SLC25A48: variants seen among roughly 807,000 people sequenced by gnomAD.
SLC25A48 encodes CTC-321K16.1.
A neutral mutation model predicts 32.2 loss-of-function variants in SLC25A48; 29 were observed. The ratio of observed to expected loss-of-function variants is 0.90; its 90% CI spans 0.67 to 1.23. The LOEUF is 1.23. Among genes scored for constraint, SLC25A48 ranks in the 50% most tolerant of loss-of-function variants. The pLI is 0.00. For missense variants in SLC25A48, 399 were observed against 422.7 expected (o/e 0.94, Z 0.49); for synonymous variants, 164 against 172.3 (o/e 0.95, Z 0.38).
chr5:135,727,230 A>G (rs1279375005), intron 3 of SLC25A48, among the ~76,000 whole-genome samples: 1 of 150,860 alleles, frequency 6.6e-6, no homozygotes, highest in Non-Finnish European at 1.5e-5. Flanking sequence ...AATAATATAG[A>G]TATATATGTA....
intron 3 of SLC25A48, among the ~76,000 whole-genome samples, chr5:135,670,082 C>T (rs552877728): frequency 2.0e-5 from 3 of 152,246 alleles, no homozygotes; most frequent in South Asian, 2.1e-4. Flanking sequence ...CTTAGTAAAT[C>T]GTTGTAGAAG....
upstream of SLC25A48, among the ~76,000 whole-genome samples, chr5:135,833,531 C>T (rs560232565): frequency 4.8e-4 from 73 of 152,366 alleles, 1 homozygote; most frequent in South Asian, 0.015. Flanking sequence ...GGGGTTGATG[C>T]TGATGGCAAC....
intron 3 of SLC25A48, among the ~76,000 whole-genome samples, chr5:135,748,377 G>A (rs1240473169): frequency 1.3e-5 from 2 of 152,066 alleles, no homozygotes; most frequent in Admixed American, 6.6e-5. Flanking sequence ...GGGTGCAAGC[G>A]ATTCTCCTGC....
intron 3 of SLC25A48, among the ~76,000 whole-genome samples, chr5:135,709,965 A>G (rs1326943511): frequency 6.6e-6 from 1 of 152,212 alleles, no homozygotes; most frequent in Non-Finnish European, 1.5e-5. Flanking sequence ...ACATTTACCA[A>G]TTCCTGTGGG....
At chr5:135,871,279 G>A (rs1761622015) in intron 4 of SLC25A48, among the ~76,000 whole-genome samples, 182 bp from the exon 5 acceptor site, 1 of 152,194 alleles carries the variant, frequency 6.6e-6, no homozygotes, top group Admixed American at 6.5e-5. Flanking sequence ...GTGTATATTG[G>A]CAGGGGCTCT....
At chr5:135,669,512 C>A (rs1753604779) in intron 3 of SLC25A48, among the ~76,000 whole-genome samples, 1 of 152,208 alleles carries the variant, frequency 6.6e-6, no homozygotes, top group South Asian at 2.1e-4. Flanking sequence ...CGGGATGTCA[C>A]TTCCACTGGG....
intron 3 of SLC25A48, among the ~76,000 whole-genome samples, chr5:135,723,803 T>A (rs1436517770): frequency 6.6e-6 from 1 of 152,244 alleles, no homozygotes; most frequent in Non-Finnish European, 1.5e-5. Flanking sequence ...AAGTGGGGCT[T>A]CTGGAATTTA....
chr5:135,597,227 A>G (rs182182104), intron 1 of SLC25A48, among the ~76,000 whole-genome samples: 8 of 152,352 alleles, frequency 5.3e-5, no homozygotes, highest in Non-Finnish European at 1.0e-4. Flanking sequence ...ACTGGATTCA[A>G]TGCAGGAAAT....
At chr5:135,777,570 G>A (rs1756597975) in intron 3 of SLC25A48, among the ~76,000 whole-genome samples, 4 of 151,590 alleles carry the variant, frequency 2.6e-5, no homozygotes. Flanking sequence ...GAAAAAAGGA[G>A]GATAATATTA....
chr5:135,581,030 T>C (rs1751221709), intron 1 of SLC25A48, among the ~76,000 whole-genome samples: 1 of 152,186 alleles, frequency 6.6e-6, no homozygotes, highest in African/African-American at 2.4e-5. Flanking sequence ...CTGTGTGACT[T>C]TGGGCAAATA....
intron 3 of SLC25A48, among the ~76,000 whole-genome samples, chr5:135,785,670 G>C (rs1756823915): frequency 6.6e-6 from 1 of 151,240 alleles, no homozygotes; most frequent in Admixed American, 6.6e-5. Flanking sequence ...TGGGGAGAGG[G>C]GGGTGGAACA....
intron 1 of SLC25A48, among the ~76,000 whole-genome samples, chr5:135,593,904 G>T (rs1751584655): frequency 6.6e-6 from 1 of 152,216 alleles, no homozygotes; most frequent in African/African-American, 2.4e-5. Flanking sequence ...GTCAAGGCTT[G>T]CTAACTTCTG....
chr5:135,582,442 G>C (rs916377961), intron 1 of SLC25A48, among the ~76,000 whole-genome samples: 1 of 152,086 alleles, frequency 6.6e-6, no homozygotes, highest in African/African-American at 2.4e-5. Flanking sequence ...CTGACAGGGT[G>C]ACGAGGTGGG....
chr5:135,596,295 A>G (rs1751649189), intron 1 of SLC25A48, among the ~76,000 whole-genome samples: 2 of 152,218 alleles, frequency 1.3e-5, no homozygotes, highest in South Asian at 2.1e-4. Flanking sequence ...ATTGGTAACC[A>G]TAGAGATGAA....
At chr5:135,872,047 T>C in intron 5 of SLC25A48, 1 of 1,218,338 alleles carries the variant, frequency 8.2e-7, no homozygotes, top group Non-Finnish European at 1.0e-6. Context: ...CTTTGTAATG[T>C]AAGGATGCCA....
At chr5:135,830,700 C>G (rs2126670160), upstream of SLC25A48, among the ~76,000 whole-genome samples, 1 of 152,334 alleles carries the variant, frequency 6.6e-6, no homozygotes, top group East Asian at 1.9e-4. Flanking sequence ...CTCAGAGCTC[C>G]CGTTGTCTGA....
intron 3 of SLC25A48, among the ~76,000 whole-genome samples, chr5:135,637,809 G>A (rs939611632): frequency 1.3e-5 from 2 of 152,156 alleles, no homozygotes; most frequent in Non-Finnish European, 2.9e-5. Context: ...GACTAGGCAG[G>A]CCACATAGAC....
chr5:135,826,767 G>C (rs1758067622), intron 4 of SLC25A48: 1 of 152,202 alleles, frequency 6.6e-6, no homozygotes, highest in Admixed American at 6.5e-5. Context: ...AGACAGCCGG[G>C]AACTGTGGAG....
intron 3 of SLC25A48, among the ~76,000 whole-genome samples, chr5:135,770,089 G>A (rs1300839778): frequency 6.6e-6 from 1 of 151,444 alleles, no homozygotes; most frequent in African/African-American, 2.4e-5. Flanking sequence ...AATAGCCGGG[G>A]GGGAGACAAT....
Sources: gnomAD v4.1 joint callset for allele counts (sites outside exome capture counted in the v4.1 genomes callset) on GRCh38, gnomAD v4.1.1 for gene constraint, MANE v1.5 for transcripts, NCBI Gene and HGNC (gene_info 2026-07-23, HGNC 2026-07-21) for gene names.